Variants in DCC observed in about 807,000 individuals in gnomAD.
The protein encoded by DCC is DCC netrin 1 receptor.
Under a neutral mutation model 172.5 loss-of-function variants are expected in DCC, and 58 were observed. The ratio of observed to expected loss-of-function variants is 0.34; its 90% CI spans 0.27 to 0.42. DCC has a LOEUF of 0.42. Ranked by LOEUF, DCC falls within the 10% of genes least tolerant of loss-of-function variation. The pLI, the probability that DCC is intolerant of heterozygous loss-of-function variation, is 1.00. For synonymous variants in DCC, 709 were observed against 644.5 expected, an observed-to-expected ratio of 1.10 and a Z score of -1.52; for missense variants, 1,740 against 1,791.0, an observed-to-expected ratio of 0.97 and a Z score of 0.51.
chr18:52,754,736 C>G lies in DCC; in HGVS notation c.412+2362C>G, dbSNP rs146557050. Among the ~76,000 whole-genome samples, 391 of 152,318 alleles carry G rather than the reference C, an allele frequency of 2.6e-3. 1 individual carries two copies. The highest frequency in any genetic ancestry group is 0.014 in the Middle Eastern group (4 of 294). On this transcript the variant is annotated intron_variant, in intron 2 of 28. Transcript: ENST00000442544. ...TTTACCTAGAGGTAGACTGGCTAGC[C>G]ATTCTGCTTTTCTTTGGACTGACTT...
chr18:52,737,090 T>G (rs1209001292), intron 1 of DCC, among the ~76,000 whole-genome samples: 1 of 152,218 alleles, frequency 6.6e-6, no homozygotes, highest in African/African-American at 2.4e-5. Flanking sequence ...AGATAAATTT[T>G]AGGCTTTTAC....
intron 13 of DCC, among the ~76,000 whole-genome samples, chr18:53,318,833 A>T (rs2057374118): frequency 6.6e-6 from 1 of 151,402 alleles, no homozygotes; most frequent in Non-Finnish European, 1.5e-5. Context: ...GGTTAAAATG[A>T]AAGAAAAGAT....
intron 1 of DCC, among the ~76,000 whole-genome samples, chr18:52,657,914 C>T (rs1210405871): frequency 6.6e-6 from 1 of 152,144 alleles, no homozygotes; most frequent in Non-Finnish European, 1.5e-5. Context: ...AAAAGTGATA[C>T]AGATGAACCG....
At chr18:52,755,754 G>C (rs1354595389) in intron 2 of DCC, among the ~76,000 whole-genome samples, 1 of 152,134 alleles carries the variant, frequency 6.6e-6, no homozygotes, top group African/African-American at 2.4e-5. Context: ...TGTACTCTCA[G>C]GTGCTGTATA....
chr18:53,220,950 G>A (rs2144590965), intron 12 of DCC, among the ~76,000 whole-genome samples: 1 of 152,046 alleles, frequency 6.6e-6, no homozygotes, highest in Middle Eastern at 3.4e-3. Flanking sequence ...GGAATTTGTA[G>A]GAAAGACTAG....
chr18:53,082,722 G>A (rs149446858), intron 7 of DCC, among the ~76,000 whole-genome samples: 5 of 152,048 alleles, frequency 3.3e-5, no homozygotes, highest in Non-Finnish European at 5.9e-5. Context: ...TAGTTTCCAC[G>A]TGGTATGTAT....
rs148210935 is a variant in DCC, at chr18:52,367,063, A to C, written c.91+26185A>C. Among the ~76,000 whole-genome samples, 1,022 of 152,320 alleles carry C rather than the reference A, an allele frequency of 6.7e-3. 8 individuals are homozygous for C. The highest frequency in any genetic ancestry group is 0.024 in the African/African-American group (979 of 41,568). On this transcript the variant is annotated intron_variant, in intron 1 of 28. Coordinates refer to ENST00000442544, the MANE Select transcript of DCC (RefSeq NM_005215.4). ...AGCCCTGCCCCGCGGGAAGGCAGCT[A>C]AGGCACGGTGAGAAATCGAGCGCAG...
chr18:52,506,968 T>C (rs962067653), intron 1 of DCC, among the ~76,000 whole-genome samples: 3 of 152,136 alleles, frequency 2.0e-5, no homozygotes, highest in African/African-American at 7.2e-5. Context: ...TTCTATTGAT[T>C]AAAGGCAGAA....
At chr18:52,804,896 T>A (rs1200452429) in intron 2 of DCC, among the ~76,000 whole-genome samples, 2 of 152,182 alleles carry the variant, frequency 1.3e-5, no homozygotes, top group East Asian at 1.9e-4. Context: ...AATTTCGTTT[T>A]AAAAAAATAT....
intron 2 of DCC, among the ~76,000 whole-genome samples, chr18:52,902,419 A>C (rs975144803): frequency 2.6e-5 from 4 of 152,184 alleles, no homozygotes; most frequent in Non-Finnish European, 4.4e-5. Context: ...GATGTGGCCT[A>C]ATGAGTCTGA....
At chr18:53,106,443 T>C (rs7235008) in intron 7 of DCC, among the ~76,000 whole-genome samples, 104,812 of 151,802 alleles carry the variant, frequency 0.69, 38,007 homozygotes, top group African/African-American at 0.9. Context: ...CCAGAATTCA[T>C]GTTTCTTCAA....
At chr18:52,864,889 G>A (rs1233356501) in intron 2 of DCC, among the ~76,000 whole-genome samples, 6 of 151,348 alleles carry the variant, frequency 4.0e-5, no homozygotes, top group African/African-American at 7.3e-5. Flanking sequence ...TTATTGAGAC[G>A]GAGTCTCACT....
At chr18:52,613,547 A>G (rs2144845272) in intron 1 of DCC, among the ~76,000 whole-genome samples, 1 of 152,076 alleles carries the variant, frequency 6.6e-6, no homozygotes, top group East Asian at 1.9e-4. Flanking sequence ...GAGCCACCAC[A>G]CCCATCCTGT....
intron 12 of DCC, among the ~76,000 whole-genome samples, chr18:53,219,188 C>T (rs891865432): frequency 6.6e-6 from 1 of 152,174 alleles, no homozygotes; most frequent in Non-Finnish European, 1.5e-5. Flanking sequence ...CACTGTTCCT[C>T]TAGCCACTTT....
chr18:53,456,893 A>C (rs1450305495), intron 23 of DCC, among the ~76,000 whole-genome samples: 2 of 152,218 alleles, frequency 1.3e-5, no homozygotes, highest in Non-Finnish European at 2.9e-5. Context: ...AATTTCAGAC[A>C]ATTTAATTAT....
intron 19 of DCC, among the ~76,000 whole-genome samples, chr18:53,405,682 G>A (rs1158480290): frequency 6.6e-6 from 1 of 152,056 alleles, no homozygotes; most frequent in Non-Finnish European, 1.5e-5. Context: ...TGGAAACTTA[G>A]GAATTTGGAC....
chr18:53,307,980 T>C (rs554739208), intron 13 of DCC, among the ~76,000 whole-genome samples: 8 of 147,128 alleles, frequency 5.4e-5, no homozygotes, highest in Non-Finnish European at 1.0e-4. Flanking sequence ...TACATGTGTA[T>C]GTGGATGTAT....
At chr18:52,489,672 T>C (rs1374226913) in intron 1 of DCC, among the ~76,000 whole-genome samples, 1 of 152,078 alleles carries the variant, frequency 6.6e-6, no homozygotes, top group Non-Finnish European at 1.5e-5. Flanking sequence ...AGTCCCCACA[T>C]TGTTTAAAAT....
At chr18:52,786,752 C>G (rs1026719258) in intron 2 of DCC, among the ~76,000 whole-genome samples, 2 of 152,048 alleles carry the variant, frequency 1.3e-5, no homozygotes, top group African/African-American at 4.8e-5. Context: ...ACATTCTTTA[C>G]TGACCACAGG....
Sources: gnomAD v4.1 joint callset for allele counts (sites outside exome capture counted in the v4.1 genomes callset) on GRCh38, gnomAD v4.1.1 for gene constraint, MANE v1.5 for transcripts, NCBI Gene and HGNC (gene_info 2026-07-23, HGNC 2026-07-21) for gene names.